Variants in CSMD1 observed in about 807,000 individuals in gnomAD.
CSMD1 encodes the protein CUB and sushi domain-containing protein 1.
In CSMD1, 213 loss-of-function variants were observed where a neutral mutation model predicts 417.5. The observed-to-expected ratio is 0.51, with a 90% CI of 0.46 to 0.57. The LOEUF is 0.57. Ranked by LOEUF, CSMD1 falls within the 20% of genes least tolerant of loss-of-function variation. The pLI, the probability that CSMD1 is intolerant of heterozygous loss-of-function variation, is 0.00. For missense variants in CSMD1, 6,923 were observed against 4,529.7 expected (o/e 1.53, Z -15.17); for synonymous variants, 2,862 against 1,736.8 (o/e 1.65, Z -16.11).
intron 38 of CSMD1, among the ~76,000 whole-genome samples, chr8:3,159,460 T>C (rs1160357686): frequency 6.6e-6 from 1 of 152,208 alleles, no homozygotes. Flanking sequence ...GCGTGTGATG[T>C]CATGGCAGCC....
intron 5 of CSMD1, among the ~76,000 whole-genome samples, chr8:3,813,199 C>G (rs765509942): frequency 1.3e-5 from 2 of 150,660 alleles, no homozygotes; most frequent in African/African-American, 2.4e-5. Flanking sequence ...TTACTTCAGT[C>G]AGGTATCCTT....
intron 2 of CSMD1, among the ~76,000 whole-genome samples, chr8:4,437,646 C>T (rs1798222288): frequency 6.6e-6 from 1 of 152,164 alleles, no homozygotes; most frequent in East Asian, 1.9e-4. Flanking sequence ...CCCAGAGTCA[C>T]ACAAAGGAGT....
At chr8:4,168,007 T>C (rs893662195) in intron 3 of CSMD1, among the ~76,000 whole-genome samples, 3 of 151,902 alleles carry the variant, frequency 2.0e-5, no homozygotes, top group Admixed American at 6.6e-5. Flanking sequence ...CAGACTCCTG[T>C]AATCCCAGCT....
chr8:3,701,898 T>C (rs375316745), intron 7 of CSMD1, among the ~76,000 whole-genome samples: 8 of 152,062 alleles, frequency 5.3e-5, no homozygotes, highest in Admixed American at 3.9e-4. Context: ...AGGACAAGAG[T>C]CCATCAGTTG....
intron 12 of CSMD1, among the ~76,000 whole-genome samples, chr8:3,451,954 A>C (rs1426877410): frequency 6.6e-6 from 1 of 151,932 alleles, no homozygotes; most frequent in African/African-American, 2.4e-5. Flanking sequence ...ATGAACATGG[A>C]ATGTTCTTCC....
chr8:3,112,252 A>G (rs1816564110), intron 42 of CSMD1, among the ~76,000 whole-genome samples: 1 of 152,210 alleles, frequency 6.6e-6, no homozygotes, highest in Admixed American at 6.5e-5. Flanking sequence ...CATGAAACCA[A>G]TTAGGCTGAA....
At chr8:4,467,694 C>G (rs554315983) in intron 2 of CSMD1, among the ~76,000 whole-genome samples, 36 of 152,130 alleles carry the variant, frequency 2.4e-4, no homozygotes, top group Non-Finnish European at 4.9e-4. Flanking sequence ...TAGGGTTGGA[C>G]AAGCTATTAT....
intron 3 of CSMD1, among the ~76,000 whole-genome samples, chr8:4,399,811 C>G (rs1026878925): frequency 1.3e-5 from 2 of 152,130 alleles, no homozygotes; most frequent in African/African-American, 4.8e-5. Context: ...TTTTAGGAAG[C>G]TATTAAAATA....
At chr8:3,932,880 T>C (rs971211717) in intron 5 of CSMD1, among the ~76,000 whole-genome samples, 1 of 150,558 alleles carries the variant, frequency 6.6e-6, no homozygotes, top group Admixed American at 6.6e-5. Context: ...TAAATGTTTT[T>C]GAATTTTCTA....
At chr8:3,707,545 C>G (rs1801240977) in intron 7 of CSMD1, among the ~76,000 whole-genome samples, 1 of 152,214 alleles carries the variant, frequency 6.6e-6, no homozygotes, top group Non-Finnish European at 1.5e-5. Flanking sequence ...CACTTGGTAT[C>G]TCAGTAGACG....
intron 5 of CSMD1, among the ~76,000 whole-genome samples, chr8:3,808,188 T>C (rs957330944): frequency 1.3e-5 from 2 of 152,298 alleles, no homozygotes; most frequent in Non-Finnish European, 2.9e-5. Context: ...ATTAAAATTG[T>C]TTTTGCAAAA....
Position 3,432,508 on chromosome 8 carries a change from C to CTTT in CSMD1, c.1562-22906_1562-22904dup, listed in dbSNP as rs769207768. 1.2e-3 allele frequency among the ~76,000 whole-genome samples: 125 copies of CTTT among 105,304 alleles called. 2 individuals carry two copies. Among genetic ancestry groups the CTTT allele is most frequent in the South Asian group, 2.4e-3 (7 of 2,976 alleles). 69.1% of individuals were successfully genotyped at this position (105,304 alleles called of 152,430 possible). Reference sequence around the variant, plus strand: ...AGTTAAAAATTGTTTTCAATATGGGCTTTTTTTTTTTTTTTTTTTTGAGAT... The same window carrying CTTT: ...AGTTAAAAATTGTTTTCAATATGGGCTTTTTTTTTTTTTTTTTTTTTTTGAGAT... On this transcript the variant is annotated intron_variant, in intron 12 of 69. Transcript: ENST00000635120.
At chr8:3,103,397 T>A (rs991557292) in intron 46 of CSMD1, among the ~76,000 whole-genome samples, 3 of 152,152 alleles carry the variant, frequency 2.0e-5, no homozygotes, top group African/African-American at 4.8e-5. Flanking sequence ...TTAAGCCATA[T>A]GGTGTAGCCT....
intron 5 of CSMD1, among the ~76,000 whole-genome samples, chr8:3,855,271 C>T (rs1319959127): frequency 4.6e-5 from 7 of 152,032 alleles, no homozygotes; most frequent in African/African-American, 1.7e-4. Flanking sequence ...ATATTGCATA[C>T]AAAAATCTGT....
At chr8:4,574,324 T>A (rs1009871774) in intron 2 of CSMD1, among the ~76,000 whole-genome samples, 5 of 152,174 alleles carry the variant, frequency 3.3e-5, no homozygotes, top group African/African-American at 1.2e-4. Context: ...CTGGGCTGGA[T>A]AGCACCATCC....
chr8:4,404,971 A>C (rs967125057), intron 3 of CSMD1, among the ~76,000 whole-genome samples: 4 of 152,208 alleles, frequency 2.6e-5, no homozygotes, highest in African/African-American at 9.6e-5. Flanking sequence ...AAACCGAGGC[A>C]CAAGAGGATT....
At chr8:3,967,010 G>C (rs778791369) in intron 5 of CSMD1, among the ~76,000 whole-genome samples, 3 of 152,044 alleles carry the variant, frequency 2.0e-5, no homozygotes. Context: ...AGTGTCAATT[G>C]GTGAAATAAT....
At chr8:3,914,386 T>C (rs537907689) in intron 5 of CSMD1, among the ~76,000 whole-genome samples, 6 of 152,150 alleles carry the variant, frequency 3.9e-5, no homozygotes, top group Non-Finnish European at 8.8e-5. Flanking sequence ...AACATACGGG[T>C]ACAGATAAAG....
rs1261742894 is a variant in CSMD1 at position 3,415,504 on chromosome 8, T to C, written c.1562-5899A>G. Among the ~76,000 whole-genome samples, 4 of 152,174 alleles carry C rather than the reference T, an allele frequency of 2.6e-5. No homozygotes were observed. The East Asian group carries it at 5.8e-4, about 22-fold the overall frequency. Reference sequence around the variant, plus strand: ...TCCTGCATATCTGGGATTATACGCATGCATCATCACGCCCAGGTAATTTTT... The same window carrying C: ...TCCTGCATATCTGGGATTATACGCACGCATCATCACGCCCAGGTAATTTTT... On this transcript the variant is annotated intron_variant, in intron 12 of 69. Coordinates refer to ENST00000635120, the MANE Select transcript of CSMD1 (RefSeq NM_033225.6).
Sources: allele counts gnomAD v4.1 joint callset (sites outside exome capture counted in the v4.1 genomes callset), GRCh38; gene constraint gnomAD v4.1.1; transcripts MANE v1.5; gene names NCBI Gene and HGNC (gene_info 2026-07-23, HGNC 2026-07-21).